SNTG2: variants seen among roughly 807,000 people sequenced by gnomAD.
SNTG2 encodes syntrophin gamma 2.
Under a neutral mutation model 70.9 loss-of-function variants are expected in SNTG2, and 74 were observed. That is an observed-to-expected ratio of 1.04 (90% confidence interval 0.86 to 1.27). The LOEUF is 1.27. SNTG2 is among the 50% of genes most tolerant of loss of function. SNTG2 has a pLI of 0.00. For synonymous variants in SNTG2, 278 were observed against 273.8 expected, an observed-to-expected ratio of 1.02 and a Z score of -0.15; for missense variants, 717 against 690.7, an observed-to-expected ratio of 1.04 and a Z score of -0.43.
chr2:1,224,953 TGCAGTGTTAG>T (rs1239237055), intron 9 of SNTG2, among the ~76,000 whole-genome samples: 61 of 152,132 alleles, frequency 4.0e-4, no homozygotes, highest in African/African-American at 1.4e-3. Context: ...ATAGGAAAAA[TGCAGTGTTAG>T]GCAGGAAAAC....
rs1384879594 is a variant in SNTG2, at chr2:1,175,218, T to C, written c.591+2035T>C. On this transcript the variant is annotated intron_variant, in intron 8 of 16. Transcript: ENST00000308624. ...TTGTCTCAACACTATTTCTGGGTAA[T>C]CTGCACTGCCACGGCTCACAAGTAA... Among the ~76,000 whole-genome samples, 6 of 152,206 alleles carry C rather than the reference T, an allele frequency of 3.9e-5. No individual in the cohort carries two copies. In the East Asian group the frequency reaches 1.2e-3, roughly 29 times the overall value.
chr2:1,318,226 T>C (rs1681376199), intron 16 of SNTG2, among the ~76,000 whole-genome samples: 1 of 152,204 alleles, frequency 6.6e-6, no homozygotes, highest in African/African-American at 2.4e-5. Flanking sequence ...AAAAATAAAT[T>C]TTAAAAAATA....
chr2:1,277,815 C>T (rs1243897508), intron 14 of SNTG2, among the ~76,000 whole-genome samples: 2 of 152,292 alleles, frequency 1.3e-5, no homozygotes, highest in Admixed American at 1.3e-4. Flanking sequence ...GGAAGACAGC[C>T]CAGTGGCTCC....
intron 1 of SNTG2, among the ~76,000 whole-genome samples, chr2:1,063,022 T>C (rs538479012): frequency 6.6e-6 from 1 of 152,238 alleles, no homozygotes; most frequent in African/African-American, 2.4e-5. Flanking sequence ...TGATATGAAA[T>C]AACTGTAAAA....
chr2:1,298,881 G>A (rs2148232750), intron 14 of SNTG2, among the ~76,000 whole-genome samples: 1 of 152,314 alleles, frequency 6.6e-6, no homozygotes, highest in Non-Finnish European at 1.5e-5. Context: ...GTGAAAAGGA[G>A]AGATGGGCCT....
intron 14 of SNTG2, among the ~76,000 whole-genome samples, chr2:1,298,528 A>G (rs1322523374): frequency 1.3e-5 from 2 of 152,176 alleles, no homozygotes; most frequent in African/African-American, 4.8e-5. Context: ...ACCAGTAAGC[A>G]TTGGTAGAGA....
intron 14 of SNTG2, among the ~76,000 whole-genome samples, chr2:1,307,963 C>T (rs1159782868): frequency 2.6e-5 from 4 of 152,158 alleles, no homozygotes; most frequent in Non-Finnish European, 4.4e-5. Context: ...ACCGTGTGAC[C>T]GATGTAGTTT....
At chr2:1,037,690 T>G (rs1428052107) in intron 1 of SNTG2, among the ~76,000 whole-genome samples, 1 of 152,200 alleles carries the variant, frequency 6.6e-6, no homozygotes, top group Non-Finnish European at 1.5e-5. Flanking sequence ...ACACATAACA[T>G]AGGACGTCTG....
At chr2:1,079,589 G>A (rs995129429) in intron 1 of SNTG2, among the ~76,000 whole-genome samples, 2 of 152,110 alleles carry the variant, frequency 1.3e-5, no homozygotes, top group African/African-American at 4.8e-5. Flanking sequence ...TCCTTAGCTA[G>A]CATTTAAAAT....
At chr2:1,161,324 G>C (rs1358932755) in intron 6 of SNTG2, 3 of 152,104 alleles carry the variant, frequency 2.0e-5, no homozygotes, top group Non-Finnish European at 4.4e-5. Context: ...TTAAACAATG[G>C]CAAATACATT....
rs533110940 is a variant in SNTG2, at chr2:1,328,724, G to T, written c.1488+12349G>T. On this transcript the variant is annotated intron_variant, in intron 16 of 16. Coordinates refer to ENST00000308624, the MANE Select transcript of SNTG2 (RefSeq NM_018968.4). The stretch of plus-strand genomic sequence containing the variant: ...AAAATGAGTGCATTGGTTAGCAGGG[G>T]TTTAAGAAAAGAGGGACTCTGTCAC... Among the ~76,000 whole-genome samples the T allele has an allele frequency of 6.6e-5, 10 of 152,252 alleles. No individual in the cohort carries two copies. In the South Asian group the frequency reaches 1.2e-3, roughly 19 times the overall value.
At chr2:963,970 A>C (rs1660442792) in intron 1 of SNTG2, among the ~76,000 whole-genome samples, 1 of 152,102 alleles carries the variant, frequency 6.6e-6, no homozygotes, top group Non-Finnish European at 1.5e-5. Flanking sequence ...TCTCATTTTT[A>C]ACAGTTTCAG....
intron 1 of SNTG2, among the ~76,000 whole-genome samples, chr2:1,081,820 A>G (rs935923361): frequency 1.9e-4 from 29 of 152,248 alleles, no homozygotes; most frequent in African/African-American, 6.8e-4. Flanking sequence ...GGAAGAAACC[A>G]TTAGAGTTCC....
chr2:1,355,217 A>G (rs1660781335), intron 16 of SNTG2, among the ~76,000 whole-genome samples: 1 of 152,168 alleles, frequency 6.6e-6, no homozygotes, highest in African/African-American at 2.4e-5. Flanking sequence ...AGCACATGAC[A>G]TGAGATTTAC....
intron 16 of SNTG2, among the ~76,000 whole-genome samples, chr2:1,333,084 G>A (rs554829140): frequency 6.6e-6 from 1 of 152,296 alleles, no homozygotes; most frequent in East Asian, 1.9e-4. Context: ...TCCTAGATCT[G>A]ATAAATGAAT....
chr2:1,030,688 C>T (rs1342637120), intron 1 of SNTG2, among the ~76,000 whole-genome samples: 1 of 152,178 alleles, frequency 6.6e-6, no homozygotes, highest in Non-Finnish European at 1.5e-5. Flanking sequence ...CAAAAATCTA[C>T]AATTATTTCA....
intron 1 of SNTG2, among the ~76,000 whole-genome samples, chr2:1,014,391 GT>G (rs1659811335): frequency 2.0e-5 from 2 of 97,660 alleles, no homozygotes; most frequent in Non-Finnish European, 4.7e-5. Context: ...GGTCTGGAAA[GT>G]GATTTACAAG....
At chr2:1,227,820 C>T (rs566076926) in intron 9 of SNTG2, among the ~76,000 whole-genome samples, 1 of 152,360 alleles carries the variant, frequency 6.6e-6, no homozygotes, top group Non-Finnish European at 1.5e-5. Flanking sequence ...TCTGCTCATA[C>T]TGGTGCCGCT....
intron 9 of SNTG2, among the ~76,000 whole-genome samples, chr2:1,230,052 C>T (rs1048790952): frequency 2.0e-5 from 3 of 152,220 alleles, no homozygotes; most frequent in Admixed American, 6.5e-5. Flanking sequence ...CACAGTGCAG[C>T]GGTGGGCTGA....
Sources: gnomAD v4.1 joint callset for allele counts (sites outside exome capture counted in the v4.1 genomes callset) on GRCh38, gnomAD v4.1.1 for gene constraint, MANE v1.5 for transcripts, NCBI Gene and HGNC (gene_info 2026-07-23, HGNC 2026-07-21) for gene names.